Variants in THSD4 observed in about 807,000 individuals in gnomAD.
THSD4 encodes the protein thrombospondin type 1 domain containing 4, also known as thrombospondin type-1 domain-containing protein 4.
Under a neutral mutation model 119.0 loss-of-function variants are expected in THSD4, and 69 were observed. The ratio of observed to expected loss-of-function variants is 0.58; its 90% CI spans 0.48 to 0.71. THSD4 has a LOEUF of 0.71. Ranked by LOEUF, THSD4 falls within the 30% of genes least tolerant of loss-of-function variation. The pLI, the probability that THSD4 is intolerant of heterozygous loss-of-function variation, is 0.00. For missense variants in THSD4, 1,393 were observed against 1,391.1 expected (o/e 1.00, Z -0.02); for synonymous variants, 524 against 540.4 (o/e 0.97, Z 0.42).
Position 71,668,325 on chromosome 15 carries a change from C to T in THSD4, c.1357+7591C>T, listed in dbSNP as rs541122417. Among the ~76,000 whole-genome samples the T allele has an allele frequency of 3.9e-5, 6 of 152,148 alleles. No homozygotes were observed. In the South Asian group the frequency reaches 1.0e-3, roughly 26 times the overall value. On this transcript the variant is annotated intron_variant, in intron 8 of 17. Transcript: ENST00000261862. ...AATATCTTAACAGATTTTTGGAAGACAGAAAGCAGATGGGAGGATGTTCAC... is the reference window on the plus strand; with the variant it reads ...AATATCTTAACAGATTTTTGGAAGATAGAAAGCAGATGGGAGGATGTTCAC...
At chr15:71,145,114 C>T (rs2141374420) in intron 2 of THSD4, among the ~76,000 whole-genome samples, 1 of 152,078 alleles carries the variant, frequency 6.6e-6, no homozygotes, top group African/African-American at 2.4e-5. Context: ...ATGCTGATGG[C>T]TACCTGACCT....
intron 1 of THSD4, among the ~76,000 whole-genome samples, chr15:71,125,903 G>C (rs1304367187): frequency 6.6e-6 from 1 of 152,234 alleles, no homozygotes; most frequent in Non-Finnish European, 1.5e-5. Context: ...TTTAGGGGGT[G>C]GTGGCGCACA....
chr15:71,205,231 A>T (rs2043833859), intron 3 of THSD4, among the ~76,000 whole-genome samples: 1 of 152,212 alleles, frequency 6.6e-6, no homozygotes, highest in African/African-American at 2.4e-5. Context: ...CAGGAGAGAT[A>T]GGGCAGGGGC....
chr15:71,569,988 T>C (rs1567041912), intron 7 of THSD4, among the ~76,000 whole-genome samples: 1 of 148,440 alleles, frequency 6.7e-6, no homozygotes, highest in Non-Finnish European at 1.5e-5. Context: ...AGTTAGACTC[T>C]ATTTCAAAAA....
intron 8 of THSD4, among the ~76,000 whole-genome samples, chr15:71,695,325 TTGTATG>T (rs889631127): frequency 1.3e-5 from 2 of 152,040 alleles, no homozygotes; most frequent in Admixed American, 6.6e-5. Flanking sequence ...TATCCTTTTA[TTGTATG>T]TGTATGTGTG....
chr15:71,690,176 T>C (rs1343585191), intron 8 of THSD4, among the ~76,000 whole-genome samples: 1 of 152,230 alleles, frequency 6.6e-6, no homozygotes, highest in African/African-American at 2.4e-5. Flanking sequence ...GCTCTGGCCC[T>C]GGAGTTGTAT....
intron 4 of THSD4, among the ~76,000 whole-genome samples, chr15:71,224,040 A>G (rs972444025): frequency 2.0e-5 from 3 of 152,172 alleles, no homozygotes; most frequent in African/African-American, 4.8e-5. Flanking sequence ...AGGGGAAGAC[A>G]ACGGAGAACT....
chr15:71,567,776 A>AGC (rs1555427668), intron 7 of THSD4, among the ~76,000 whole-genome samples: 1 of 150,420 alleles, frequency 6.6e-6, no homozygotes, highest in South Asian at 2.1e-4. Context: ...AGAGAGAGAG[A>AGC]GTGTGTGTGT....
chr15:71,352,995 C>A (rs10459646), intron 6 of THSD4, among the ~76,000 whole-genome samples: 1 of 152,028 alleles, frequency 6.6e-6, no homozygotes, highest in Non-Finnish European at 1.5e-5. Flanking sequence ...GTAGGTGGGA[C>A]GATTGGGAGA....
At position 71,777,492 on chromosome 15, in the gene THSD4, T is replaced by A; in HGVS notation, c.*118T>A. On this transcript the variant is annotated 3_prime_UTR_variant, in exon 18 of 18. Coordinates refer to ENST00000261862, the MANE Select transcript of THSD4 (RefSeq NM_024817.3). ...CTGGCCCAGGCGCTGCCAACCAACT[T>A]AGTCACCACCCCTGCCTCCGGTGAA... 5 of 1,387,258 alleles carry A rather than the reference T, an allele frequency of 3.6e-6. 1 individual carries two copies. Among genetic ancestry groups the A allele is most frequent in the Non-Finnish European group, 4.8e-6 (5 of 1,037,474 alleles). The allele number at this position is 1,387,258 out of a possible 1,614,324, so 85.9% of individuals were successfully genotyped here.
intron 6 of THSD4, among the ~76,000 whole-genome samples, chr15:71,283,432 C>T (rs2044679995): frequency 6.6e-6 from 1 of 152,080 alleles, no homozygotes; most frequent in Admixed American, 6.6e-5. Flanking sequence ...ATATTATCTC[C>T]TTAAGTAGTC....
intron 6 of THSD4, among the ~76,000 whole-genome samples, chr15:71,328,937 G>A (rs1185067353): frequency 1.3e-5 from 2 of 152,178 alleles, no homozygotes; most frequent in East Asian, 3.8e-4. Flanking sequence ...TGTAGAATGA[G>A]GCTGGATAAA....
chr15:71,258,813 T>C (rs910495468), intron 6 of THSD4, among the ~76,000 whole-genome samples: 24 of 152,170 alleles, frequency 1.6e-4, no homozygotes, highest in African/African-American at 5.3e-4. Context: ...TGAGTTCATA[T>C]TGGAGTAGAG....
chr15:71,651,678 A>G (rs1392919173), intron 7 of THSD4, among the ~76,000 whole-genome samples: 1 of 152,072 alleles, frequency 6.6e-6, no homozygotes, highest in Admixed American at 6.6e-5. Flanking sequence ...AAAAAATTTT[A>G]AGAAATGAAA....
At chr15:71,235,189 C>T (rs149375306) in intron 4 of THSD4, among the ~76,000 whole-genome samples, 338 of 152,302 alleles carry the variant, frequency 2.2e-3, no homozygotes, top group African/African-American at 7.9e-3. Flanking sequence ...GTCCACATTT[C>T]GGAGGCTGGC....
intron 2 of THSD4, among the ~76,000 whole-genome samples, chr15:71,152,461 G>T (rs1042558746): frequency 6.6e-6 from 1 of 151,948 alleles, no homozygotes; most frequent in Non-Finnish European, 1.5e-5. Flanking sequence ...GGAAAGTCTA[G>T]TCAGATGTAA....
rs528672259 is a variant in THSD4 at position 71,765,071 on chromosome 15, A to G, written c.2641A>G (p.Arg881Gly). 1.9e-6 allele frequency: 3 copies of G among 1,614,244 alleles called. No homozygotes were observed. The African/African-American group carries it at 4.0e-5, about 22-fold the overall frequency. Residue 881 changes from arginine (R) to glycine (G), a missense_variant, in exon 16 of 18, where the codon AGA becomes GGA. Transcript: ENST00000261862. ...GTQQREVICVRKNADTFEVLD... is the reference protein window; with the variant it reads ...GTQQREVICVGKNADTFEVLD... ...GCAACAGAGGGAGGTGATTTGTGTT[A>G]GAAAGAATGCAGACACCTTTGAAGT... is the stretch of plus-strand genomic sequence containing the variant.
chr15:71,461,910 A>C (rs890312208), intron 7 of THSD4, among the ~76,000 whole-genome samples: 1 of 151,714 alleles, frequency 6.6e-6, no homozygotes, highest in African/African-American at 2.4e-5. Flanking sequence ...AGTGCAGGCC[A>C]GGTTCTTTTG....
intron 7 of THSD4, among the ~76,000 whole-genome samples, chr15:71,510,975 C>T (rs1169432555): frequency 1.3e-5 from 2 of 151,654 alleles, no homozygotes; most frequent in East Asian, 1.9e-4. Flanking sequence ...TCACGTTTGG[C>T]GGTGTGGTCG....
Sources: gnomAD v4.1 joint callset for allele counts (sites outside exome capture counted in the v4.1 genomes callset) on GRCh38, gnomAD v4.1.1 for gene constraint, MANE v1.5 for transcripts, NCBI Gene and HGNC (gene_info 2026-07-23, HGNC 2026-07-21) for gene names.